PRKD1: variants seen among roughly 807,000 people sequenced by gnomAD.
PRKD1 encodes serine/threonine-protein kinase D1.
Under a neutral mutation model 95.9 loss-of-function variants are expected in PRKD1, and 63 were observed. That is an observed-to-expected ratio of 0.66 (90% CI 0.54 to 0.81). The LOEUF (loss-of-function observed/expected upper bound fraction) is 0.81. Among genes scored for constraint, PRKD1 ranks in the 30% least tolerant of loss-of-function variants. PRKD1 has a pLI of 0.00. For missense variants in PRKD1, 1,048 were observed against 1,165.3 expected (o/e 0.90, Z 1.47); for synonymous variants, 425 against 423.1 (o/e 1.00, Z -0.05).
chr14:29,607,818 G>C (rs1566482270), intron 13 of PRKD1, among the ~76,000 whole-genome samples: 1 of 152,122 alleles, frequency 6.6e-6, no homozygotes, highest in Non-Finnish European at 1.5e-5. Flanking sequence ...TGCCACCTAA[G>C]GTAATATATT....
intron 10 of PRKD1, among the ~76,000 whole-genome samples, chr14:29,630,059 C>A (rs1219731432): frequency 8.1e-5 from 12 of 148,568 alleles, no homozygotes; most frequent in African/African-American, 3.0e-4. Context: ...TCTTCTTGCT[C>A]TTTCTCTTCC....
At chr14:29,885,291 T>C (rs938014725) in intron 1 of PRKD1, among the ~76,000 whole-genome samples, 3 of 152,110 alleles carry the variant, frequency 2.0e-5, no homozygotes, top group Non-Finnish European at 4.4e-5. Context: ...TATTCCTTGG[T>C]CCTGAGAAAA....
chr14:29,640,375 A>G (rs1462993002), intron 4 of PRKD1, among the ~76,000 whole-genome samples: 1 of 152,228 alleles, frequency 6.6e-6, no homozygotes, highest in Non-Finnish European at 1.5e-5. Flanking sequence ...GTTAAATACT[A>G]TTACCAAAAG....
At chr14:29,648,945 T>C (rs904715988) in intron 4 of PRKD1, among the ~76,000 whole-genome samples, 100 of 152,348 alleles carry the variant, frequency 6.6e-4, no homozygotes, top group Non-Finnish European at 7.8e-4. Flanking sequence ...TGAGCCACCA[T>C]GCCCGGCCTG....
chr14:29,655,103 G>A (rs1406491810), intron 4 of PRKD1, among the ~76,000 whole-genome samples: 1 of 152,218 alleles, frequency 6.6e-6, no homozygotes, highest in Admixed American at 6.5e-5. Context: ...GGAGAAGGAA[G>A]TGAAAAATGT....
intron 1 of PRKD1, among the ~76,000 whole-genome samples, chr14:29,859,329 C>T (rs926993605): frequency 1.3e-5 from 2 of 151,374 alleles, no homozygotes; most frequent in Non-Finnish European, 2.9e-5. Flanking sequence ...AAGAAATTAG[C>T]CAGGCGTGGT....
chr14:29,820,228 G>A (rs1411816364), intron 1 of PRKD1, among the ~76,000 whole-genome samples: 1 of 152,186 alleles, frequency 6.6e-6, no homozygotes, highest in Non-Finnish European at 1.5e-5. Context: ...CTGACTCAGT[G>A]AATATTTATT....
chr14:29,742,426 G>A (rs45539935), intron 1 of PRKD1, among the ~76,000 whole-genome samples: 2,299 of 152,274 alleles, frequency 0.015, 27 homozygotes, highest in Non-Finnish European at 0.023. Context: ...GGTTCTATGC[G>A]TATCTGTGAT....
rs761478825 is a variant in PRKD1, at chr14:29,663,832, C to A, written c.563G>T (p.Cys188Phe). ...GCAATTGTTGGGTATTTTAAATGCA[C>A]ATCTCTTATGGTAATTCAGACCACA... is the stretch of plus-strand genomic sequence containing the variant. ...EGCGLNYHKR[C>F]AFKIPNNCSG... The change falls in exon 4 of 18, where the codon TGT becomes TTT. Residue 188 changes from cysteine to phenylalanine, a missense_variant. Transcript: ENST00000331968. The A allele has an allele frequency of 1.3e-5, 21 of 1,613,784 alleles. No individual in the cohort carries two copies. Among genetic ancestry groups the A allele is most frequent in the Non-Finnish European group, 1.7e-5 (20 of 1,179,878 alleles).
In PRKD1 at chr14:29,830,515, C is replaced by CTG. The variant is rs539357282; in HGVS notation, c.264+96732_264+96733dup. Among the ~76,000 whole-genome samples the CTG allele has an allele frequency of 1.7e-3, 262 of 151,956 alleles. 1 individual carries two copies. The highest frequency in any genetic ancestry group is 5.9e-3 in the African/African-American group (245 of 41,420). The stretch of plus-strand genomic sequence containing the variant: ...TCCTCAAATGCATATATTTATCTCT[C>CTG]TGTGTGTGTGTGTATTTAACCATAA... On this transcript the variant is annotated intron_variant, in intron 1 of 17. Coordinates refer to ENST00000331968, the MANE Select transcript of PRKD1 (RefSeq NM_002742.3).
chr14:29,579,811 C>T (rs918163260), intron 16 of PRKD1, among the ~76,000 whole-genome samples: 6 of 152,182 alleles, frequency 3.9e-5, no homozygotes, highest in East Asian at 3.8e-4. Context: ...TATGCCTATA[C>T]ACTCTTGCCT....
At chr14:29,700,101 T>C (rs61978002) in intron 2 of PRKD1, among the ~76,000 whole-genome samples, 23 of 147,962 alleles carry the variant, frequency 1.6e-4, no homozygotes, top group South Asian at 1.3e-3. Flanking sequence ...TTTTTTTTTT[T>C]CCCTTGCTGA....
chr14:29,851,202 C>T (rs569157627), intron 1 of PRKD1, among the ~76,000 whole-genome samples: 1 of 152,166 alleles, frequency 6.6e-6, no homozygotes, highest in African/African-American at 2.4e-5. Context: ...AAAGCAATTG[C>T]AATGAAAACA....
At chr14:29,857,237 C>A (rs754284855) in intron 1 of PRKD1, among the ~76,000 whole-genome samples, 1 of 152,152 alleles carries the variant, frequency 6.6e-6, no homozygotes, top group Non-Finnish European at 1.5e-5. Context: ...GCTCAACATG[C>A]TGACAGGCCA....
chr14:29,771,684 A>T (rs1405223576), intron 1 of PRKD1, among the ~76,000 whole-genome samples: 1 of 152,188 alleles, frequency 6.6e-6, no homozygotes. Context: ...TACAACTTGC[A>T]TTCAACTCCA....
At chr14:29,741,063 A>G (rs1219419503) in intron 1 of PRKD1, among the ~76,000 whole-genome samples, 2 of 152,044 alleles carry the variant, frequency 1.3e-5, no homozygotes, top group Non-Finnish European at 2.9e-5. Flanking sequence ...ATGAGAACTT[A>G]GGGATACAAA....
chr14:29,827,653 C>T (rs1891250358), intron 1 of PRKD1, among the ~76,000 whole-genome samples: 1 of 152,106 alleles, frequency 6.6e-6, no homozygotes, highest in Non-Finnish European at 1.5e-5. Flanking sequence ...GATTCATTTG[C>T]ACATTAAAAT....
At chr14:29,648,427 T>C (rs184415606) in intron 4 of PRKD1, among the ~76,000 whole-genome samples, 43 of 152,228 alleles carry the variant, frequency 2.8e-4, no homozygotes, top group South Asian at 6.2e-4. Context: ...TTTTGATTAA[T>C]AGAGGCAGGA....
At chr14:29,861,229 GCTTT>G (rs1195774519) in intron 1 of PRKD1, among the ~76,000 whole-genome samples, 1 of 152,040 alleles carries the variant, frequency 6.6e-6, no homozygotes, top group Non-Finnish European at 1.5e-5. Context: ...AGAAAAGAGG[GCTTT>G]CTGTTTGATT....
Sources: gnomAD v4.1 joint callset for allele counts (sites outside exome capture counted in the v4.1 genomes callset) on GRCh38, gnomAD v4.1.1 for gene constraint, MANE v1.5 for transcripts, NCBI Gene and HGNC (gene_info 2026-07-23, HGNC 2026-07-21) for gene names.